RGPD4: variants seen among roughly 807,000 people sequenced by gnomAD.
RGPD4 encodes the protein RANBP2 like and GRIP domain containing 4.
Under a neutral mutation model 141.1 loss-of-function variants are expected in RGPD4, and 84 were observed. That is an observed-to-expected ratio of 0.60 (90% confidence interval 0.50 to 0.71). The LOEUF (loss-of-function observed/expected upper bound fraction) is 0.71, where lower values mean the gene tolerates loss of function less well. Ranked by LOEUF, RGPD4 falls within the 30% of genes least tolerant of loss-of-function variation. RGPD4 has a pLI of 0.00. For synonymous variants in RGPD4, 298 were observed against 566.8 expected, an observed-to-expected ratio of 0.53 and a Z score of 6.74; for missense variants, 918 against 1,622.4, an observed-to-expected ratio of 0.57 and a Z score of 7.46.
chr2:107,847,091 A>T (rs1219318363), intron 6 of RGPD4, among the ~76,000 whole-genome samples: 1 of 149,474 alleles, frequency 6.7e-6, no homozygotes, highest in African/African-American at 2.5e-5. Flanking sequence ...AAATACAAAA[A>T]ATTAGCCGGG....
chr2:107,884,247 A>T (rs1675446837), intron 22 of RGPD4, among the ~76,000 whole-genome samples: 2 of 151,986 alleles, frequency 1.3e-5, no homozygotes, highest in South Asian at 4.2e-4. Context: ...AGTAGCTGGG[A>T]CTACAGATGC....
At chr2:107,844,459 C>T (rs1384330635) in intron 6 of RGPD4, among the ~76,000 whole-genome samples, 2 of 152,280 alleles carry the variant, frequency 1.3e-5, no homozygotes, top group East Asian at 3.9e-4. Context: ...AGATTGTATG[C>T]CTGTAAAGCC....
At chr2:107,853,336 A>G (rs1269905334) in intron 7 of RGPD4, among the ~76,000 whole-genome samples, 1 of 87,158 alleles carries the variant, frequency 1.1e-5, no homozygotes, top group Non-Finnish European at 2.3e-5. Context: ...CAAGCCTTCT[A>G]CCTGTTGGTC....
At chr2:107,833,909 G>A (rs1296170124) in intron 1 of RGPD4, among the ~76,000 whole-genome samples, 2 of 152,016 alleles carry the variant, frequency 1.3e-5, no homozygotes, top group East Asian at 2.0e-4. Context: ...GGTGGCGTGC[G>A]CCTGCAGTCC....
intron 22 of RGPD4, among the ~76,000 whole-genome samples, chr2:107,889,788 G>T (rs1573539476): frequency 6.9e-6 from 1 of 145,864 alleles, no homozygotes; most frequent in Non-Finnish European, 1.5e-5. Context: ...TAAAACTTTG[G>T]TTTTTGTTTG....
chr2:107,890,335 G>T (rs1675619958), intron 22 of RGPD4, among the ~76,000 whole-genome samples: 1 of 89,140 alleles, frequency 1.1e-5, no homozygotes, highest in African/African-American at 5.3e-5. Flanking sequence ...GATCACTTGA[G>T]CCCAGGAATT....
intron 1 of RGPD4, among the ~76,000 whole-genome samples, chr2:107,833,533 C>A (rs981610556): frequency 2.7e-5 from 4 of 149,886 alleles, no homozygotes; most frequent in Non-Finnish European, 3.0e-5. Flanking sequence ...AGCTATATAT[C>A]TTTAAACAAG....
intron 22 of RGPD4, among the ~76,000 whole-genome samples, chr2:107,885,632 GT>G (rs1377532334): frequency 1.3e-5 from 2 of 152,116 alleles, no homozygotes; most frequent in African/African-American, 4.8e-5. Context: ...ATTTAAATTA[GT>G]TTGCCCTTTA....
chr2:107,856,122 C>G (rs1382527811), intron 8 of RGPD4, among the ~76,000 whole-genome samples: 1 of 124,516 alleles, frequency 8.0e-6, no homozygotes, highest in Non-Finnish European at 1.6e-5. Flanking sequence ...GGCGTGATCT[C>G]GGCTCACTGC....
intron 22 of RGPD4, among the ~76,000 whole-genome samples, chr2:107,884,628 T>C (rs1675461362): frequency 6.9e-6 from 1 of 145,248 alleles, no homozygotes; most frequent in African/African-American, 2.6e-5. Flanking sequence ...GTGTGCTTTC[T>C]AAGACATCAG....
At position 107,879,989 on chromosome 2, in the gene RGPD4, A is replaced by G. The variant is rs746902975; in HGVS notation, c.4946A>G (p.Glu1649Gly). The change falls in exon 21 of 23, where the codon GAA becomes GGA. Residue 1649 changes from glutamate (E) to glycine (G), a missense_variant. Glu to Gly is a moderately conservative substitution (Grantham distance 98). Transcript: ENST00000408999. ...GCAGAGCCTCCATTATGGCATGCTGAATTTACCAAAGAAGAATTGGTTCAG... is the reference window on the plus strand; with the variant it reads ...GCAGAGCCTCCATTATGGCATGCTGGATTTACCAAAGAAGAATTGGTTCAG... ...PEKEPPLWHA[E>G]FTKEELVQKL... The G allele has an allele frequency of 8.1e-6, 13 of 1,611,230 alleles. No homozygotes were observed. The highest frequency in any genetic ancestry group is 5.5e-5 in the South Asian group (5 of 90,986).
At chr2:107,830,532 A>G (rs1342611694) in intron 1 of RGPD4, among the ~76,000 whole-genome samples, 1 of 152,160 alleles carries the variant, frequency 6.6e-6, no homozygotes, top group Non-Finnish European at 1.5e-5. Context: ...CCTCTCTTAC[A>G]CTTAGAGTCT....
intron 8 of RGPD4, among the ~76,000 whole-genome samples, chr2:107,855,668 G>A (rs1187929160): frequency 9.7e-6 from 1 of 103,110 alleles, no homozygotes; most frequent in South Asian, 4.2e-4. Flanking sequence ...TATACCATAC[G>A]CTTCACCCAT....
intron 21 of RGPD4, among the ~76,000 whole-genome samples, chr2:107,882,096 A>T (rs1448238189): frequency 6.6e-6 from 1 of 151,910 alleles, no homozygotes; most frequent in Non-Finnish European, 1.5e-5. Context: ...TTTGCTCCTC[A>T]TGGAGACGTT....
intron 1 of RGPD4, among the ~76,000 whole-genome samples, chr2:107,833,110 G>A (rs1466640408): frequency 2.0e-5 from 3 of 148,258 alleles, no homozygotes; most frequent in African/African-American, 5.1e-5. Context: ...CCCTTGTTGG[G>A]ACTCCACAGA....
At chr2:107,836,379 C>G (rs1365139594) in intron 1 of RGPD4, among the ~76,000 whole-genome samples, 1 of 105,018 alleles carries the variant, frequency 9.5e-6, no homozygotes, top group Non-Finnish European at 2.0e-5. Flanking sequence ...TCCCAAAGTG[C>G]TGGGATTACA....
In RGPD4 at chr2:107,871,247, C is replaced by T. The variant is rs776640543; in HGVS notation, c.3243C>T (p.Gly1081=). 3.9e-5 allele frequency: 62 copies of T among 1,608,542 alleles called. No individual in the cohort carries two copies. Among genetic ancestry groups the T allele is most frequent in the African/African-American group, 5.5e-5 (4 of 72,880 alleles). The change falls in exon 20 of 23, where the codon GGC becomes GGT. Residue 1081 remains glycine, a synonymous_variant. Transcript: ENST00000408999. ...AGGTAAGGCAGTGGAAAGAAAGGGG[C>T]TTGGGGAACTTAAAAATTCTCAAAA... ...DAEVRQWKER[G]LGNLKILKNE...
intron 7 of RGPD4, among the ~76,000 whole-genome samples, chr2:107,853,728 C>T (rs1287226580): frequency 2.8e-5 from 2 of 71,756 alleles, no homozygotes; most frequent in Non-Finnish European, 2.8e-5. Flanking sequence ...TTTCTCAGAG[C>T]TGCTCTGTGT....
At chr2:107,829,659 A>G (rs544256225) in intron 1 of RGPD4, among the ~76,000 whole-genome samples, 17 of 152,096 alleles carry the variant, frequency 1.1e-4, no homozygotes, top group South Asian at 4.1e-4. Flanking sequence ...GCGGCGTGGC[A>G]CTTGCGAGCG....
Sources: allele counts gnomAD v4.1 joint callset (sites outside exome capture counted in the v4.1 genomes callset), GRCh38; gene constraint gnomAD v4.1.1; transcripts MANE v1.5; gene names NCBI Gene and HGNC (gene_info 2026-07-23, HGNC 2026-07-21).